SORCS2: variants seen among roughly 807,000 people sequenced by gnomAD.
SORCS2 encodes the protein sortilin related VPS10 domain containing receptor 2.
SORCS2 carries 100 observed loss-of-function variants against 141.6 expected under a neutral mutation model. The ratio of observed to expected loss-of-function variants is 0.71; its 90% CI spans 0.60 to 0.83. The LOEUF (loss-of-function observed/expected upper bound fraction) is 0.83, where lower values mean the gene tolerates loss of function less well. Ranked by LOEUF, SORCS2 falls within the 40% of genes least tolerant of loss-of-function variation. The pLI is 0.00. For missense variants in SORCS2, 1,646 were observed against 1,560.2 expected (o/e 1.05, Z -0.93); for synonymous variants, 789 against 676.9 (o/e 1.17, Z -2.57).
chr4:7,480,225 C>T (rs28645994), intron 2 of SORCS2, among the ~76,000 whole-genome samples: 1,905 of 152,252 alleles, frequency 0.013, 35 homozygotes, highest in African/African-American at 0.044. Flanking sequence ...GTGTTGAGCC[C>T]GAGAGTCTCT....
At position 7,364,112 on chromosome 4, in the gene SORCS2, CCATCACCACCACCACCACCACAT is replaced by C. The variant is rs1031862168; in HGVS notation, c.481-32170_481-32148del. Among the ~76,000 whole-genome samples, 122 of 151,864 alleles carry C rather than the reference CCATCACCACCACCACCACCACAT, an allele frequency of 8.0e-4. 1 individual carries two copies. The highest frequency in any genetic ancestry group is 2.8e-3 in the African/African-American group (117 of 41,426). On this transcript the variant is annotated intron_variant, in intron 1 of 26. Transcript: ENST00000507866. ...ATTGTTACTACCATCATCATTGTCA[CCATCACCACCACCACCACCACAT>C]CATCATCATCATTATTGTCATCATC...
At chr4:7,592,975 G>A (rs1577806157) in intron 3 of SORCS2, among the ~76,000 whole-genome samples, 1 of 152,272 alleles carries the variant, frequency 6.6e-6, no homozygotes, top group Non-Finnish European at 1.5e-5. Context: ...GTGTGACAAC[G>A]TATCCCAAAC....
chr4:7,637,166 G>C lies in SORCS2; in HGVS notation c.649-1162G>C, dbSNP rs554637773. 2.6e-5 allele frequency among the ~76,000 whole-genome samples: 4 copies of C among 152,282 alleles called. No homozygotes were observed. In the South Asian group the frequency reaches 8.3e-4, roughly 32 times the overall value. On this transcript the variant is annotated intron_variant, in intron 3 of 26. Transcript: ENST00000507866. ...TATTTCCAAGTAAGATCACAGTCGC[G>C]AGTACTGGGGATAGGGATGTTGACG...
At chr4:7,298,650 T>C (rs963528902) in intron 1 of SORCS2, among the ~76,000 whole-genome samples, 2 of 152,142 alleles carry the variant, frequency 1.3e-5, no homozygotes, top group South Asian at 4.2e-4. Flanking sequence ...TTCCAGCTTC[T>C]GCAGCAGCCA....
intron 9 of SORCS2, among the ~76,000 whole-genome samples, chr4:7,676,742 CCACCCCCGCCCTGTCATCTCCTCCTT>C (rs1723145860): frequency 2.0e-5 from 3 of 147,034 alleles, no homozygotes; most frequent in African/African-American, 7.5e-5. Context: ...CTCCCTCTCT[CCACCCCCGCCCTGTCATCTCCTCCTT>C]CCTCTCCCTC....
intron 1 of SORCS2, among the ~76,000 whole-genome samples, chr4:7,266,966 C>G (rs1577338492): frequency 1.3e-5 from 2 of 151,282 alleles, no homozygotes; most frequent in Admixed American, 6.6e-5. Context: ...CTGGAAGAAT[C>G]AGTGGGGGGT....
chr4:7,574,292 G>C (rs549160788), intron 3 of SORCS2, among the ~76,000 whole-genome samples: 1 of 152,244 alleles, frequency 6.6e-6, no homozygotes. Context: ...TTGATGACTG[G>C]CTTCCCCTGT....
chr4:7,396,251 A>G (rs978477598), intron 1 of SORCS2, 37 bp from the exon 2 acceptor site: 5 of 1,606,322 alleles, frequency 3.1e-6, no homozygotes, highest in South Asian at 1.1e-5. Flanking sequence ...CTTGGCACCC[A>G]CTGATTTCTG....
intron 1 of SORCS2, among the ~76,000 whole-genome samples, chr4:7,227,615 T>C (rs1481884835): frequency 6.6e-6 from 1 of 152,114 alleles, no homozygotes; most frequent in East Asian, 1.9e-4. Context: ...TGTGGTGGCC[T>C]GGGGTGAAGA....
intron 1 of SORCS2, among the ~76,000 whole-genome samples, chr4:7,353,254 T>A (rs528573431): frequency 1.3e-5 from 2 of 152,020 alleles, no homozygotes; most frequent in African/African-American, 4.8e-5. Context: ...AAAGTGGGGG[T>A]GTCTCATGGC....
chr4:7,722,448 C>T (rs1374727050), intron 18 of SORCS2, among the ~76,000 whole-genome samples: 1 of 152,174 alleles, frequency 6.6e-6, no homozygotes, highest in Non-Finnish European at 1.5e-5. Flanking sequence ...CAAATTATCT[C>T]ATGCCGGGTG....
At chr4:7,583,151 G>A (rs1025695370) in intron 3 of SORCS2, among the ~76,000 whole-genome samples, 1 of 152,154 alleles carries the variant, frequency 6.6e-6, no homozygotes, top group African/African-American at 2.4e-5. Context: ...GGAAGTGAGG[G>A]TTGCAAAAAG....
chr4:7,304,176 C>T (rs771555387), intron 1 of SORCS2, among the ~76,000 whole-genome samples: 5 of 152,256 alleles, frequency 3.3e-5, no homozygotes, highest in African/African-American at 1.2e-4. Context: ...CCTGAGTCTT[C>T]GCTCTTTCCT....
At chr4:7,681,978 G>A (rs952582773) in intron 9 of SORCS2, among the ~76,000 whole-genome samples, 1 of 152,188 alleles carries the variant, frequency 6.6e-6, no homozygotes, top group African/African-American at 2.4e-5. Context: ...ACACTAGTGG[G>A]TCTTGATAAA....
intron 1 of SORCS2, among the ~76,000 whole-genome samples, chr4:7,392,909 G>A (rs867805766): frequency 6.7e-6 from 1 of 150,216 alleles, no homozygotes; most frequent in Non-Finnish European, 1.5e-5. Context: ...GGGGGGGGGG[G>A]GGTGCTGCGA....
chr4:7,312,994 C>T (rs918114301), intron 1 of SORCS2, among the ~76,000 whole-genome samples: 13 of 152,234 alleles, frequency 8.5e-5, no homozygotes, highest in African/African-American at 2.4e-4. Context: ...TCCAAGGCCT[C>T]GGGAACAGCA....
intron 12 of SORCS2, 22 bp from the exon 13 acceptor site, chr4:7,703,258 G>A (rs1383068289): frequency 6.3e-7 from 1 of 1,597,976 alleles, no homozygotes; most frequent in Admixed American, 1.7e-5. Context: ...CCTGCCCTCA[G>A]CCACACCACT....
intron 5 of SORCS2, among the ~76,000 whole-genome samples, chr4:7,656,383 C>T (rs1315605160): frequency 1.3e-5 from 2 of 151,974 alleles, no homozygotes; most frequent in African/African-American, 4.8e-5. Context: ...GCTTTGAATA[C>T]TGAGTGTCCG....
chr4:7,645,031 G>T (rs1417204307), intron 4 of SORCS2, among the ~76,000 whole-genome samples: 1 of 152,248 alleles, frequency 6.6e-6, no homozygotes, highest in Non-Finnish European at 1.5e-5. Flanking sequence ...AAGCTCCAGG[G>T]CAGGCGTCGT....
Sources: gnomAD v4.1 joint callset for allele counts (sites outside exome capture counted in the v4.1 genomes callset) on GRCh38, gnomAD v4.1.1 for gene constraint, MANE v1.5 for transcripts, NCBI Gene and HGNC (gene_info 2026-07-23, HGNC 2026-07-21) for gene names.